Variants in CHD8 observed in about 807,000 individuals in gnomAD.
CHD8 encodes the protein ATP-dependent chromatin remodeler CHD8.
A neutral mutation model predicts 279.2 loss-of-function variants in CHD8; 31 were observed. That is an observed-to-expected ratio of 0.11 (90% CI 0.08 to 0.15). The LOEUF (loss-of-function observed/expected upper bound fraction) is 0.15. Ranked by LOEUF, CHD8 falls within the 10% of genes least tolerant of loss-of-function variation. The probability of loss-of-function intolerance (pLI) is 1.00; values close to 1 mark genes in which losing one functional copy is unlikely to be tolerated. For synonymous variants in CHD8, 1,081 were observed against 1,139.6 expected (o/e 0.95, Z 1.04); for missense variants, 2,146 against 3,230.5 (o/e 0.66, Z 8.14).
intron 5 of CHD8, chr14:21,416,412 G>A (rs765063972): frequency 1.3e-5 from 2 of 152,062 alleles, no homozygotes; most frequent in Non-Finnish European, 2.9e-5. Context: ...TCTTTCAAGT[G>A]GCTGAATTAA....
intron 5 of CHD8, among the ~76,000 whole-genome samples, chr14:21,418,600 G>T (rs546104306): frequency 2.0e-5 from 3 of 152,318 alleles, no homozygotes; most frequent in South Asian, 4.1e-4. Flanking sequence ...CATATCATGA[G>T]GTCAGGAGAT....
chr14:21,393,424 G>T, intron 32 of CHD8, 52 bp downstream of exon 32: 1 of 1,506,640 alleles, frequency 6.6e-7, no homozygotes, highest in African/African-American at 1.4e-5. Context: ...AAGGGAAAGA[G>T]AAGAGAGGGG....
chr14:21,394,615 A>AAAAG lies in CHD8; in HGVS notation c.5391-131_5391-130insCTTT, dbSNP rs1266868271. ...AATTGAAAGTAGACGCAAAAAAAAA[A>AAAAG]AAAAAAAAAGGCCCAGAAGAGGTAG... On this transcript the variant is annotated intron_variant, in intron 30 of 37. Transcript: ENST00000646647. The AAAAG allele has an allele frequency of 7.0e-6, 4 of 570,066 alleles. No individual in the cohort carries two copies. In the African/African-American group the frequency reaches 7.7e-5, roughly 11 times the overall value. 35.3% of individuals were successfully genotyped at this position (570,066 alleles called of 1,614,324 possible).
In CHD8 at chr14:21,386,191, T is replaced by C; in HGVS notation, c.7183-15A>G. The C allele has an allele frequency of 6.5e-7, 1 of 1,532,182 alleles. No individual in the cohort carries two copies. The highest frequency in any genetic ancestry group is 8.8e-7 in the Non-Finnish European group (1 of 1,137,846). 94.9% of individuals were successfully genotyped at this position (1,532,182 alleles called of 1,614,324 possible). ...GTGTGATGACCCTAGGAGGAGGGAATAGAAGATAATAAAAAGAAAGAAAGG... is the reference window on the plus strand; with the variant it reads ...GTGTGATGACCCTAGGAGGAGGGAACAGAAGATAATAAAAAGAAAGAAAGG... On this transcript the variant is annotated splice_polypyrimidine_tract_variant and intron_variant, in intron 37 of 37. Coordinates refer to ENST00000646647, the MANE Select transcript of CHD8 (RefSeq NM_001170629.2).
rs1889805312 is a variant in CHD8, at chr14:21,436,929, T to C, written c.-215-5071A>G. Reference sequence around the variant, plus strand: ...CTCATACTGCCGGGGTTGGTGCCAGTAAGGTCCATACAGCAGAGGCGGAAG... The same window carrying C: ...CTCATACTGCCGGGGTTGGTGCCAGCAAGGTCCATACAGCAGAGGCGGAAG... On this transcript the variant is annotated intron_variant, in intron 1 of 37. Coordinates refer to ENST00000646647, the MANE Select transcript of CHD8 (RefSeq NM_001170629.2). 2.3e-6 allele frequency: 3 copies of C among 1,286,404 alleles called. No homozygotes were observed. The African/African-American group carries it at 4.6e-5, about 20-fold the overall frequency. The allele number at this position is 1,286,404 out of a possible 1,614,324, so 79.7% of individuals were successfully genotyped here.
rs1055413765 is a variant in CHD8, at chr14:21,431,388, C to T, written c.256G>A (p.Ala86Thr). The part of the protein sequence containing the change: ...TELSKESTAP[A>T]PESITLHDYT... ...TCATGCAAGGTTATGGATTCTGGAGCTGGAGCTGTGGATTCTTTGGAAAGT... is the reference window on the plus strand; with the variant it reads ...TCATGCAAGGTTATGGATTCTGGAGTTGGAGCTGTGGATTCTTTGGAAAGT... Residue 86 changes from alanine (A) to threonine (T), a missense_variant, in exon 2 of 38, where the codon GCT becomes ACT. Ala to Thr is a moderately conservative substitution (Grantham distance 58, BLOSUM62 0). This residue lies in a region of CHD8 where 302 missense variants were observed against 325.5 expected (regional missense o/e 0.93). Transcript: ENST00000646647. The T allele has an allele frequency of 4.6e-6, 7 of 1,537,142 alleles. No homozygotes were observed. The South Asian group carries it at 4.8e-5, about 10-fold the overall frequency.
In CHD8 at chr14:21,394,791, C is replaced by T. The variant is rs1023969995; in HGVS notation, c.5390+121G>A. 1.1e-5 allele frequency: 12 copies of T among 1,068,930 alleles called. No homozygotes were observed. The African/African-American group carries it at 1.8e-4, about 16-fold the overall frequency. The allele number at this position is 1,068,930 out of a possible 1,614,324, so 66.2% of individuals were successfully genotyped here. A position where few individuals can be genotyped will look rare whatever the true frequency, so the allele number is the denominator to read the frequency against. Reference sequence around the variant, plus strand: ...TTTTAATTTCTACAGGTTTAACTACCCAAGGCAGAAAAGATGGTCCCTCTG... The same window carrying T: ...TTTTAATTTCTACAGGTTTAACTACTCAAGGCAGAAAAGATGGTCCCTCTG... On this transcript the variant is annotated intron_variant, in intron 30 of 37. Coordinates refer to ENST00000646647, the MANE Select transcript of CHD8 (RefSeq NM_001170629.2).
intron 1 of CHD8, among the ~76,000 whole-genome samples, chr14:21,443,208 G>C (rs1034400472): frequency 6.6e-6 from 1 of 151,836 alleles, no homozygotes; most frequent in African/African-American, 2.4e-5. Flanking sequence ...TGGCTAACAC[G>C]GTGAAACTCC....
rs766789414 is a variant in CHD8, at chr14:21,431,794, T to G, written c.-151A>C. On this transcript the variant is annotated 5_prime_UTR_variant, in exon 2 of 38. It removes an upstream start codon present in the reference 5' UTR. Coordinates refer to ENST00000646647, the MANE Select transcript of CHD8 (RefSeq NM_001170629.2). ...AGTATAGAGGCAAGAAACAAGTGCA[T>G]GTCAGATTGTCCTGACCTTCATGGA... The G allele has an allele frequency of 6.2e-7, 1 of 1,613,520 alleles. No individual in the cohort carries two copies. The highest frequency in any genetic ancestry group is 1.3e-5 in the African/African-American group (1 of 74,876).
intron 10 of CHD8, among the ~76,000 whole-genome samples, 190 bp downstream of exon 10, chr14:21,412,723 A>G (rs1888556455): frequency 6.6e-6 from 1 of 152,108 alleles, no homozygotes; most frequent in South Asian, 2.1e-4. Flanking sequence ...CTTTACAGAA[A>G]TCTTTCCTTT....
chr14:21,392,218 G>T, intron 34 of CHD8: 1 of 754,246 alleles, frequency 1.3e-6, no homozygotes, highest in South Asian at 1.4e-5. Context: ...TCCCTACCTG[G>T]TGTCTCCGTA....
chr14:21,452,707 C>T (rs774335847), intron 1 of CHD8, among the ~76,000 whole-genome samples: 2 of 151,878 alleles, frequency 1.3e-5, no homozygotes, highest in Non-Finnish European at 1.5e-5. Flanking sequence ...AACTGTCAGC[C>T]GGGCGCAGTG....
At chr14:21,391,088 C>T in intron 36 of CHD8, 25 bp from the exon 37 acceptor site, 1 of 1,385,468 alleles carries the variant, frequency 7.2e-7, no homozygotes, top group Non-Finnish European at 1.0e-6. Flanking sequence ...ATCAGTTATC[C>T]TAGAGGAATA....
chr14:21,429,471 C>G (rs766633621), intron 2 of CHD8, 136 bp from the exon 3 acceptor site: 1 of 912,748 alleles, frequency 1.1e-6, no homozygotes, highest in Admixed American at 1.7e-5. Flanking sequence ...CTTTGTTCAT[C>G]ATCCTATCTG....
intron 34 of CHD8, 199 bp from the exon 35 acceptor site, chr14:21,392,145 C>G (rs965305781): frequency 1.3e-6 from 1 of 761,190 alleles, no homozygotes; most frequent in South Asian, 1.4e-5. Context: ...ACTTCTTCAC[C>G]TAGTGCCCCT....
chr14:21,437,044 G>T, intron 1 of CHD8: 3 of 695,180 alleles, frequency 4.3e-6, no homozygotes, highest in Non-Finnish European at 6.5e-6. Context: ...GGTGGGGATG[G>T]CCAAGACGGG....
Position 21,385,522 on chromosome 14 carries a change from C to G in CHD8, c.*91G>C. ...CCTGGAGTCCTGGACTTCCCCACAT[C>G]TCCCCTGCCCCTCCCACGTTTCCAT... is the stretch of plus-strand genomic sequence containing the variant. On this transcript the variant is annotated 3_prime_UTR_variant, in exon 38 of 38. Transcript: ENST00000646647. 7.0e-7 allele frequency: 1 copy of G among 1,421,976 alleles called. No homozygotes were observed. Among genetic ancestry groups the G allele is most frequent in the Non-Finnish European group, 9.2e-7 (1 of 1,088,672 alleles). 88.1% of individuals were successfully genotyped at this position (1,421,976 alleles called of 1,614,324 possible). A position where few individuals can be genotyped will look rare whatever the true frequency, so the allele number is the denominator to read the frequency against.
chr14:21,402,554 C>T lies in CHD8; in HGVS notation c.3715-51G>A, dbSNP rs370197618. The T allele has an allele frequency of 8.0e-6, 12 of 1,501,446 alleles. No homozygotes were observed. Among genetic ancestry groups the T allele is most frequent in the Non-Finnish European group, 1.1e-5 (12 of 1,118,402 alleles). The allele number at this position is 1,501,446 out of a possible 1,614,324, so 93.0% of individuals were successfully genotyped here. Reference sequence around the variant, plus strand: ...AAGGAGAAAGATATCATAAAATTAGCAAGGGAAAGGATACAAAATACCAAT... The same window carrying T: ...AAGGAGAAAGATATCATAAAATTAGTAAGGGAAAGGATACAAAATACCAAT... On this transcript the variant is annotated intron_variant, in intron 18 of 37. Coordinates refer to ENST00000646647, the MANE Select transcript of CHD8 (RefSeq NM_001170629.2). The surrounding 1 kb of genome is among the most constrained non-coding windows in gnomAD (Gnocchi z 4.5).
At chr14:21,437,057 GA>G in intron 1 of CHD8, 1 of 623,828 alleles carries the variant, frequency 1.6e-6, no homozygotes. Context: ...AAGACGGGAA[GA>G]TGCGGGGGGT....
Sources: gnomAD v4.1 joint callset for allele counts (sites outside exome capture counted in the v4.1 genomes callset) on GRCh38, gnomAD v4.1.1 for gene constraint, gnomAD v4.1.1 regional missense constraint, Gnocchi (gnomAD v3.1) non-coding constraint, MANE v1.5 for transcripts, NCBI Gene and HGNC (gene_info 2026-07-23, HGNC 2026-07-21) for gene names.